The following MTUS1 variants were observed in gnomAD, a reference collection of about 807,000 sequenced individuals.
MTUS1 encodes microtubule-associated tumor suppressor 1.
A neutral mutation model predicts 120.8 loss-of-function variants in MTUS1; 109 were observed. The observed-to-expected ratio is 0.90, with a 90% CI of 0.77 to 1.06. The LOEUF (loss-of-function observed/expected upper bound fraction) is 1.06, where lower values mean the gene tolerates loss of function less well. Among genes scored for constraint, MTUS1 ranks in the 50% least tolerant of loss-of-function variants. MTUS1 has a pLI of 0.00. For missense variants in MTUS1, 2,210 were observed against 1,486.3 expected (o/e 1.49, Z -8.01); for synonymous variants, 737 against 550.5 (o/e 1.34, Z -4.74).
At position 17,645,745 on chromosome 8, in the gene MTUS1, A is replaced by G. The variant is rs1308228750; in HGVS notation, c.*181T>C. On this transcript the variant is annotated 3_prime_UTR_variant, in exon 15 of 15. Transcript: ENST00000693296. ...TGGAGGAATCTTTTGGACGGAGGCA[A>G]AAGTCTTCCTCCAGAGTTCCAGTCT... 9 of 731,854 alleles carry G rather than the reference A, an allele frequency of 1.2e-5. No homozygotes were observed. The highest frequency in any genetic ancestry group is 3.2e-5 in the South Asian group (1 of 31,132). 45.3% of individuals were successfully genotyped at this position (731,854 alleles called of 1,614,324 possible).
intron 8 of MTUS1, among the ~76,000 whole-genome samples, chr8:17,658,309 A>C (rs1000443684): frequency 1.3e-5 from 2 of 152,166 alleles, no homozygotes; most frequent in African/African-American, 4.8e-5. Context: ...ATATATTTTA[A>C]AAGGGCAAAG....
At chr8:17,741,242 C>T (rs115759880) in intron 3 of MTUS1, among the ~76,000 whole-genome samples, 1,565 of 152,194 alleles carry the variant, frequency 0.01, 24 homozygotes, top group African/African-American at 0.036. Flanking sequence ...CTTATGACCC[C>T]GTTTAACCTT....
At chr8:17,728,079 GTTAATA>G (rs1265137481) in intron 3 of MTUS1, among the ~76,000 whole-genome samples, 8 of 152,198 alleles carry the variant, frequency 5.3e-5, no homozygotes, top group African/African-American at 1.9e-4. Context: ...ACAGGATAGT[GTTAATA>G]TTAATATTAT....
intron 3 of MTUS1, among the ~76,000 whole-genome samples, chr8:17,725,870 C>T (rs920274304): frequency 6.6e-6 from 1 of 152,148 alleles, no homozygotes; most frequent in Non-Finnish European, 1.5e-5. Context: ...CCAGGGAAGC[C>T]AAAAGATTGC....
At chr8:17,662,873 G>C (rs1407507126) in intron 8 of MTUS1, among the ~76,000 whole-genome samples, 1 of 151,810 alleles carries the variant, frequency 6.6e-6, no homozygotes, top group Non-Finnish European at 1.5e-5. Context: ...AGGAAGAAAG[G>C]AGGAAGGGAG....
chr8:17,758,289 G>C (rs2048776620), intron 1 of MTUS1: 1 of 152,218 alleles, frequency 6.6e-6, no homozygotes, highest in Admixed American at 6.5e-5. Flanking sequence ...TTCTGGCCAA[G>C]CATCCTGATA....
chr8:17,743,619 G>C lies in MTUS1; in HGVS notation c.2272C>G (p.Arg758Gly), dbSNP rs752012836. 2 of 1,613,718 alleles carry C rather than the reference G, an allele frequency of 1.2e-6. No homozygotes were observed. The highest frequency in any genetic ancestry group is 1.7e-6 in the Non-Finnish European group (2 of 1,179,894). Residue 758 changes from arginine (R) to glycine (G), a missense_variant, in exon 3 of 15, where the codon CGT becomes GGT. Physicochemically the swap from Arg to Gly is moderately radical, Grantham distance 125 (BLOSUM62 -2). Coordinates refer to ENST00000693296, the MANE Select transcript of MTUS1 (RefSeq NM_001363059.2). Reference sequence around the variant, plus strand: ...TTATTCTTACCAGAACTGGACACACGCCTGATCCTCTGAGGAGATACGGCT... The same window carrying C: ...TTATTCTTACCAGAACTGGACACACCCCTGATCCTCTGAGGAGATACGGCT... ...DRAVSPQRIR[R>G]VSSSGKPTSL...
chr8:17,735,213 C>G (rs1719294578), intron 3 of MTUS1, among the ~76,000 whole-genome samples: 2 of 152,130 alleles, frequency 1.3e-5, no homozygotes, highest in Admixed American at 6.5e-5. Flanking sequence ...ATTTCACATG[C>G]CCCGAATTAA....
chr8:17,674,705 G>T (rs1812727271), intron 8 of MTUS1: 1 of 990,650 alleles, frequency 1.0e-6, no homozygotes, highest in East Asian at 1.1e-4. Flanking sequence ...CAAATAGTAA[G>T]ATTAGCATAG....
At chr8:17,739,688 G>C (rs2047174161) in intron 3 of MTUS1, among the ~76,000 whole-genome samples, 1 of 152,060 alleles carries the variant, frequency 6.6e-6, no homozygotes, top group African/African-American at 2.4e-5. Flanking sequence ...CTATAAAATA[G>C]GGATAAGCCT....
chr8:17,708,071 C>G (rs1261653930), intron 6 of MTUS1, among the ~76,000 whole-genome samples: 1 of 152,002 alleles, frequency 6.6e-6, no homozygotes, highest in African/African-American at 2.4e-5. Flanking sequence ...GATACAATAC[C>G]AAAAGCAGAA....
At chr8:17,681,473 G>A (rs949630291) in intron 7 of MTUS1, 2 of 153,670 alleles carry the variant, frequency 1.3e-5, no homozygotes, top group Non-Finnish European at 2.9e-5. Flanking sequence ...TCTGATAGCA[G>A]GCAAATTACC....
At chr8:17,701,595 T>C (rs1819094035) in intron 6 of MTUS1, among the ~76,000 whole-genome samples, 1 of 152,194 alleles carries the variant, frequency 6.6e-6, no homozygotes, top group African/African-American at 2.4e-5. Flanking sequence ...TCGCCAAGGC[T>C]GGAGTGCAGT....
At chr8:17,742,090 G>C (rs2047357739) in intron 3 of MTUS1, among the ~76,000 whole-genome samples, 1 of 151,972 alleles carries the variant, frequency 6.6e-6, no homozygotes, top group East Asian at 1.9e-4. Context: ...AAGGACCAGA[G>C]CTTTTTCTTC....
chr8:17,705,245 A>T (rs886770346), intron 6 of MTUS1, among the ~76,000 whole-genome samples: 4 of 152,096 alleles, frequency 2.6e-5, no homozygotes, highest in African/African-American at 9.7e-5. Flanking sequence ...TGGCCCCCCA[A>T]AGTGTTGGGA....
chr8:17,786,532 T>C (rs1643920811), intron 1 of MTUS1, among the ~76,000 whole-genome samples: 1 of 147,388 alleles, frequency 6.8e-6, no homozygotes, highest in Non-Finnish European at 1.5e-5. Context: ...GAGATATTTA[T>C]CTGCAAGCGA....
intron 6 of MTUS1, among the ~76,000 whole-genome samples, chr8:17,710,415 A>C (rs1159018661): frequency 6.6e-6 from 1 of 152,188 alleles, no homozygotes; most frequent in Non-Finnish European, 1.5e-5. Flanking sequence ...CATCTCAAGA[A>C]GATACTTTAT....
intron 1 of MTUS1, among the ~76,000 whole-genome samples, chr8:17,759,929 T>C (rs547828253): frequency 1.3e-4 from 20 of 152,006 alleles, no homozygotes; most frequent in African/African-American, 4.3e-4. Flanking sequence ...CAAAAAGAGA[T>C]TGGGTGTGGT....
intron 4 of MTUS1, among the ~76,000 whole-genome samples, chr8:17,717,418 T>G (rs1822553898): frequency 6.6e-6 from 1 of 152,242 alleles, no homozygotes; most frequent in Admixed American, 6.5e-5. Flanking sequence ...TCAATTAGCA[T>G]TTTAGCTTTT....
Sources: allele counts gnomAD v4.1 joint callset (sites outside exome capture counted in the v4.1 genomes callset), GRCh38; gene constraint gnomAD v4.1.1; transcripts MANE v1.5; gene names NCBI Gene and HGNC (gene_info 2026-07-23, HGNC 2026-07-21).